The following TAOK1 variants were observed in gnomAD, a reference collection of about 807,000 sequenced individuals.
TAOK1 encodes serine/threonine-protein kinase TAO1.
In TAOK1, 21 loss-of-function variants were observed where a neutral mutation model predicts 138.3. That is an observed-to-expected ratio of 0.15 (90% CI 0.11 to 0.22). The LOEUF (loss-of-function observed/expected upper bound fraction) is 0.22, where lower values mean the gene tolerates loss of function less well. Among genes scored for constraint, TAOK1 ranks in the 10% least tolerant of loss-of-function variants. The pLI is 1.00. For synonymous variants in TAOK1, 361 were observed against 398.4 expected (o/e 0.91, Z 1.12); for missense variants, 651 against 1,227.7 (o/e 0.53, Z 7.02).
chr17:29,504,644 T>G (rs1343991565), intron 13 of TAOK1, among the ~76,000 whole-genome samples: 1 of 151,968 alleles, frequency 6.6e-6, no homozygotes, highest in African/African-American at 2.4e-5. Flanking sequence ...CACTCCAGCC[T>G]GGGCGTCAGA....
At chr17:29,480,230 C>T in intron 6 of TAOK1, 138 bp from the exon 7 acceptor site, 1 of 471,536 alleles carries the variant, frequency 2.1e-6, no homozygotes, top group Non-Finnish European at 3.6e-6. Flanking sequence ...TCTCCTTATC[C>T]CAATTGTGAG....
At chr17:29,530,733 G>A in intron 18 of TAOK1, 114 bp downstream of exon 18, 1 of 849,228 alleles carries the variant, frequency 1.2e-6, no homozygotes, top group Non-Finnish European at 1.9e-6. Flanking sequence ...CCTGAAGCTT[G>A]GGAAATGTGG....
intron 15 of TAOK1, chr17:29,511,876 T>A (rs2031727208): frequency 6.6e-6 from 1 of 152,082 alleles, no homozygotes; most frequent in Non-Finnish European, 1.5e-5. Context: ...TAAACAATAA[T>A]GTCTTACTTT....
chr17:29,484,952 C>T (rs965919935), intron 8 of TAOK1, among the ~76,000 whole-genome samples: 2 of 152,134 alleles, frequency 1.3e-5, no homozygotes, highest in African/African-American at 2.4e-5. Flanking sequence ...ATATCCTTTT[C>T]TACTTTGGAA....
chr17:29,428,043 G>T (rs1353427920), intron 1 of TAOK1, among the ~76,000 whole-genome samples: 2 of 152,118 alleles, frequency 1.3e-5, no homozygotes, highest in Non-Finnish European at 2.9e-5. Flanking sequence ...TACAAGGAAT[G>T]AATAGACAGT....
chr17:29,420,045 ATT>A (rs879576966), intron 1 of TAOK1, among the ~76,000 whole-genome samples: 1 of 140,410 alleles, frequency 7.1e-6, no homozygotes. Flanking sequence ...CACCTGGCTA[ATT>A]TTTTTTTTTT....
chr17:29,492,128 A>C (rs2031307203), intron 10 of TAOK1, among the ~76,000 whole-genome samples: 1 of 152,106 alleles, frequency 6.6e-6, no homozygotes, highest in African/African-American at 2.4e-5. Flanking sequence ...CAAGTGATCC[A>C]CACCTGCCTC....
At chr17:29,516,787 C>T (rs1453039097) in intron 15 of TAOK1, among the ~76,000 whole-genome samples, 3 of 151,998 alleles carry the variant, frequency 2.0e-5, no homozygotes, top group South Asian at 2.1e-4. Context: ...AGGTGTAAGC[C>T]ATTGCACCCG....
chr17:29,402,543 A>G (rs1288839987), intron 1 of TAOK1, among the ~76,000 whole-genome samples: 1 of 152,060 alleles, frequency 6.6e-6, no homozygotes, highest in Admixed American at 6.6e-5. Flanking sequence ...GAGCTCAAGC[A>G]ATCTGCCTGC....
chr17:29,454,671 TG>T (rs1174863309), intron 2 of TAOK1, among the ~76,000 whole-genome samples: 1 of 152,136 alleles, frequency 6.6e-6, no homozygotes, highest in African/African-American at 2.4e-5. Flanking sequence ...TTCACCTCCA[TG>T]CAACATATTC....
intron 1 of TAOK1, among the ~76,000 whole-genome samples, chr17:29,427,527 CAAAAA>C (rs1255682171): frequency 1.6e-5 from 1 of 64,186 alleles, no homozygotes. Flanking sequence ...AACTCCGTCT[CAAAAA>C]AAAAAAAAAA....
intron 1 of TAOK1, among the ~76,000 whole-genome samples, chr17:29,406,103 G>A (rs867316348): frequency 2.0e-5 from 3 of 152,212 alleles, no homozygotes; most frequent in Middle Eastern, 3.4e-3. Flanking sequence ...TTGACATTTT[G>A]GGTAGGATAA....
At chr17:29,397,820 T>G (rs534993939) in intron 1 of TAOK1, among the ~76,000 whole-genome samples, 2 of 151,016 alleles carry the variant, frequency 1.3e-5, no homozygotes, top group African/African-American at 4.9e-5. Flanking sequence ...TATATGTATA[T>G]ACATGTATAT....
In TAOK1 at chr17:29,534,267, G is replaced by A. The variant is rs753696567; in HGVS notation, c.2511G>A (p.Arg837=). 37 of 1,609,648 alleles carry A rather than the reference G, an allele frequency of 2.3e-5. No individual in the cohort carries two copies. In the South Asian group the frequency reaches 3.6e-4, roughly 15 times the overall value. ...GAGAGCTTCGCGAGCTTGAACAGAG[G>A]GTCTCCCTCCGGAGGGCACTCTTAG... is the stretch of plus-strand genomic sequence containing the variant. ...HDRELRELEQ[R]VSLRRALLEQ... is the part of the protein sequence containing the mutation. The change falls in exon 19 of 20, where the codon AGG becomes AGA. Residue 837 remains arginine, a synonymous_variant. Coordinates refer to ENST00000261716, the MANE Select transcript of TAOK1 (RefSeq NM_020791.4).
chr17:29,451,113 G>A (rs143118090), intron 1 of TAOK1, among the ~76,000 whole-genome samples: 31 of 152,264 alleles, frequency 2.0e-4, no homozygotes, highest in African/African-American at 6.7e-4. Flanking sequence ...CACATCTTGC[G>A]TTATTGTGTA....
chr17:29,509,005 C>A (rs764504028), intron 14 of TAOK1, among the ~76,000 whole-genome samples: 1 of 152,112 alleles, frequency 6.6e-6, no homozygotes, highest in African/African-American at 2.4e-5. Flanking sequence ...TAGCTACCCT[C>A]TTCTCCCTTT....
intron 1 of TAOK1, among the ~76,000 whole-genome samples, chr17:29,430,775 T>G (rs890003588): frequency 6.6e-6 from 1 of 151,692 alleles, no homozygotes; most frequent in Non-Finnish European, 1.5e-5. Context: ...ACTGAAGGTC[T>G]TTCTTCTGTA....
intron 15 of TAOK1, chr17:29,512,849 A>G (rs1246303171): frequency 6.6e-6 from 1 of 151,724 alleles, no homozygotes; most frequent in Non-Finnish European, 1.5e-5. Flanking sequence ...CGCCCGGCTA[A>G]TTTTTTGTAT....
chr17:29,477,724 AT>A lies in TAOK1; in HGVS notation c.352+24del. On this transcript the variant is annotated intron_variant, in intron 5 of 19. Coordinates refer to ENST00000261716, the MANE Select transcript of TAOK1 (RefSeq NM_020791.4). ...ACTAGAAGGTAAGTTCCCTTTGATT[AT>A]TTTTTAAAAAGTATTCACAGAATAA... The A allele has an allele frequency of 2.2e-6, 3 of 1,365,450 alleles. No individual in the cohort carries two copies. The highest frequency in any genetic ancestry group is 4.7e-5 in the Admixed American group (2 of 42,342). 84.6% of individuals were successfully genotyped at this position (1,365,450 alleles called of 1,614,324 possible). A position where few individuals can be genotyped will look rare whatever the true frequency, so the allele number is the denominator to read the frequency against.
Sources: allele counts gnomAD v4.1 joint callset (sites outside exome capture counted in the v4.1 genomes callset), GRCh38; gene constraint gnomAD v4.1.1; transcripts MANE v1.5; gene names NCBI Gene and HGNC (gene_info 2026-07-23, HGNC 2026-07-21).